Variants in TDRD3 observed in about 807,000 individuals in gnomAD.
The protein encoded by TDRD3 is tudor domain containing 3.
Under a neutral mutation model 86.7 loss-of-function variants are expected in TDRD3, and 45 were observed. That is an observed-to-expected ratio of 0.52 (90% CI 0.41 to 0.67). The LOEUF is 0.67. Ranked by LOEUF, TDRD3 falls within the 30% of genes least tolerant of loss-of-function variation. The pLI, the probability that TDRD3 is intolerant of heterozygous loss-of-function variation, is 0.00. For synonymous variants in TDRD3, 298 were observed against 301.7 expected, an observed-to-expected ratio of 0.99 and a Z score of 0.13; for missense variants, 814 against 889.0, an observed-to-expected ratio of 0.92 and a Z score of 1.07.
intron 5 of TDRD3, among the ~76,000 whole-genome samples, chr13:60,480,903 G>A (rs761156794): frequency 2.1e-4 from 32 of 152,058 alleles, no homozygotes; most frequent in Non-Finnish European, 2.1e-4. Flanking sequence ...TGGGATGGGG[G>A]TGCACTCTGG....
At chr13:60,570,707 T>G (rs962626580) in intron 13 of TDRD3, among the ~76,000 whole-genome samples, 1 of 152,178 alleles carries the variant, frequency 6.6e-6, no homozygotes, top group South Asian at 2.1e-4. Flanking sequence ...TCAGGGCTGT[T>G]GAAGGCAGGT....
At chr13:60,413,245 A>G (rs1566173046) in intron 1 of TDRD3, among the ~76,000 whole-genome samples, 1 of 152,206 alleles carries the variant, frequency 6.6e-6, no homozygotes, top group Non-Finnish European at 1.5e-5. Context: ...TTTCATCACA[A>G]AACTGAATTA....
chr13:60,467,231 G>T lies in TDRD3; in HGVS notation c.354-7G>T. 1 of 1,612,452 alleles carries T rather than the reference G, an allele frequency of 6.2e-7. No individual in the cohort carries two copies. The highest frequency in any genetic ancestry group is 1.3e-5 in the African/African-American group (1 of 74,802). ...ATATGTTTTTAACACTTTTCTCTTT[G>T]CTTTAGCCTGAACACACCACCTGGA... On this transcript the variant is annotated splice_polypyrimidine_tract_variant and splice_region_variant and intron_variant, in intron 4 of 13. Transcript: ENST00000377881.
At chr13:60,418,243 AT>A (rs766536041) in intron 1 of TDRD3, among the ~76,000 whole-genome samples, 14 of 151,782 alleles carry the variant, frequency 9.2e-5, no homozygotes, top group Non-Finnish European at 1.9e-4. Context: ...ACCATTTCTG[AT>A]CTTGTCCTTT....
chr13:60,537,038 G>A (rs974319277), intron 12 of TDRD3: 3 of 151,916 alleles, frequency 2.0e-5, no homozygotes, highest in African/African-American at 4.8e-5. Flanking sequence ...CTACTTATTT[G>A]TGAATATTTA....
intron 7 of TDRD3, among the ~76,000 whole-genome samples, chr13:60,494,065 T>G (rs1669681474): frequency 6.6e-6 from 1 of 152,238 alleles, no homozygotes; most frequent in Admixed American, 6.5e-5. Context: ...TAACCTTGCC[T>G]GGTAGCTGGA....
intron 4 of TDRD3, among the ~76,000 whole-genome samples, chr13:60,465,562 A>G (rs553379112): frequency 8.4e-4 from 128 of 152,294 alleles, no homozygotes; most frequent in African/African-American, 3.0e-3. Context: ...TTGAGATAGC[A>G]TTGGTGTATA....
At chr13:60,567,748 A>C in intron 13 of TDRD3, 98 bp downstream of exon 13, 1 of 1,472,426 alleles carries the variant, frequency 6.8e-7, no homozygotes, top group South Asian at 1.3e-5. Flanking sequence ...TCTGAGACGA[A>C]GTTTCACTCT....
intron 7 of TDRD3, among the ~76,000 whole-genome samples, chr13:60,491,510 AAG>A (rs1426817138): frequency 1.3e-5 from 2 of 152,256 alleles, no homozygotes; most frequent in African/African-American, 4.8e-5. Flanking sequence ...GGAACCAGCC[AAG>A]GTGTGACCAG....
At chr13:60,438,145 T>C (rs929540042) in intron 1 of TDRD3, among the ~76,000 whole-genome samples, 7 of 152,184 alleles carry the variant, frequency 4.6e-5, no homozygotes, top group Non-Finnish European at 1.0e-4. Flanking sequence ...ACAATACTTT[T>C]CACATAAGCG....
chr13:60,512,813 T>A (rs896321883), intron 10 of TDRD3, among the ~76,000 whole-genome samples: 1 of 152,220 alleles, frequency 6.6e-6, no homozygotes. Context: ...CCCTCCCAGC[T>A]GCTTTAATGG....
rs1412666559 is a variant in TDRD3 at position 60,397,395 on chromosome 13, C to T, written c.31C>T (p.Gln11Ter). Residue 11 changes from glutamine to a stop codon, truncating the protein, a stop_gained, in exon 1 of 14, where the codon CAG becomes TAG. Transcript: ENST00000377881. LOFTEE classifies it high-confidence loss of function. ...CCAGGTGGCCGGCGCGGCGTTGTCC[C>T]AGGCGGGTTGGTAAGTGGCGAGTCC... is the stretch of plus-strand genomic sequence containing the variant. MAQVAGAALS[Q>*]AGWYLSDEGI... The T allele has an allele frequency of 6.7e-7, 1 of 1,501,118 alleles. No homozygotes were observed. The highest frequency in any genetic ancestry group is 8.9e-7 in the Non-Finnish European group (1 of 1,126,582). 93.0% of individuals were successfully genotyped at this position (1,501,118 alleles called of 1,614,324 possible).
chr13:60,551,219 A>G (rs2137900138), intron 12 of TDRD3, among the ~76,000 whole-genome samples: 1 of 152,328 alleles, frequency 6.6e-6, no homozygotes, highest in East Asian at 1.9e-4. Context: ...GAGTCCACAT[A>G]CCTTGGGAAA....
chr13:60,445,145 G>T (rs372694052), intron 3 of TDRD3, among the ~76,000 whole-genome samples: 2 of 152,200 alleles, frequency 1.3e-5, no homozygotes, highest in South Asian at 4.1e-4. Context: ...ATAAGATTAT[G>T]AAAGTATTAG....
chr13:60,547,427 C>T, intron 12 of TDRD3: 3 of 985,246 alleles, frequency 3.0e-6, no homozygotes, highest in Non-Finnish European at 3.6e-6. Flanking sequence ...TGGAAATGCA[C>T]AGGAGGAGTC....
chr13:60,491,023 A>G (rs1192357850), intron 7 of TDRD3, among the ~76,000 whole-genome samples: 1 of 151,318 alleles, frequency 6.6e-6, no homozygotes, highest in Non-Finnish European at 1.5e-5. Flanking sequence ...AGCCTGAGGC[A>G]GGAGAATCGC....
chr13:60,547,270 C>T (rs1362739405), intron 12 of TDRD3: 1 of 985,254 alleles, frequency 1.0e-6, no homozygotes, highest in East Asian at 1.1e-4. Context: ...AGACACTGTG[C>T]TTTATCCTGA....
chr13:60,398,865 T>C (rs1310140456), intron 1 of TDRD3, among the ~76,000 whole-genome samples: 5 of 120,400 alleles, frequency 4.2e-5, no homozygotes, highest in African/African-American at 1.9e-4. Context: ...CTTCTTTCAG[T>C]TTTTTTACCC....
chr13:60,495,308 T>C (rs920432476), intron 8 of TDRD3, among the ~76,000 whole-genome samples: 2 of 152,212 alleles, frequency 1.3e-5, no homozygotes, highest in African/African-American at 4.8e-5. Flanking sequence ...ATGTAACTGC[T>C]CAATGGATTC....
Sources: allele counts gnomAD v4.1 joint callset (sites outside exome capture counted in the v4.1 genomes callset), GRCh38; gene constraint gnomAD v4.1.1; transcripts MANE v1.5; gene names NCBI Gene and HGNC (gene_info 2026-07-23, HGNC 2026-07-21).